The following CLINT1 variants were observed in gnomAD, a reference collection of about 807,000 sequenced individuals.
The protein encoded by CLINT1 is clathrin interacting protein localized in the trans-Golgi region.
A neutral mutation model predicts 70.4 loss-of-function variants in CLINT1; 15 were observed. The ratio of observed to expected loss-of-function variants is 0.21; its 90% confidence interval spans 0.14 to 0.33. The LOEUF (loss-of-function observed/expected upper bound fraction) is 0.33, where lower values mean the gene tolerates loss of function less well. CLINT1 is among the 10% of genes least tolerant of loss of function. The pLI is 1.00. For missense variants in CLINT1, 615 were observed against 778.1 expected, an observed-to-expected ratio of 0.79 and a Z score of 2.49; for synonymous variants, 227 against 254.7, an observed-to-expected ratio of 0.89 and a Z score of 1.04.
intron 1 of CLINT1, among the ~76,000 whole-genome samples, chr5:157,853,952 ATCTT>A (rs1753665488): frequency 6.6e-6 from 1 of 152,164 alleles, no homozygotes; most frequent in Non-Finnish European, 1.5e-5. Context: ...AACCAAACTC[ATCTT>A]TCTTTGGAAT....
chr5:157,852,819 A>C (rs901049485), intron 1 of CLINT1, among the ~76,000 whole-genome samples: 2 of 152,234 alleles, frequency 1.3e-5, no homozygotes, highest in Admixed American at 6.5e-5. Flanking sequence ...GCAAATTATT[A>C]TAAAAATACA....
At position 157,821,009 on chromosome 5, in the gene CLINT1, A is replaced by G. The variant is rs1402874124; in HGVS notation, c.42-3462T>C. On this transcript the variant is annotated intron_variant, in intron 1 of 11. Transcript: ENST00000411809. The stretch of plus-strand genomic sequence containing the variant: ...ACAAGTGACTTACGGACTTTCACCA[A>G]TCCTAAATTGAGATTCCTAACTTGA... Among the ~76,000 whole-genome samples the G allele has an allele frequency of 3.3e-5, 5 of 152,194 alleles. No homozygotes were observed. The East Asian group carries it at 9.6e-4, about 29-fold the overall frequency.
At position 157,830,784 on chromosome 5, in the gene CLINT1, C is replaced by CTG. The variant is rs1763208420; in HGVS notation, c.42-13238_42-13237insCA. ...TCTCTCTCTCTCTCTCTCTCTCTCT[C>CTG]TCTCTCTCTCTCTATATATATATAT... On this transcript the variant is annotated intron_variant, in intron 1 of 11. Transcript: ENST00000411809. Among the ~76,000 whole-genome samples the CTG allele has an allele frequency of 4.5e-5, 6 of 133,634 alleles. No homozygotes were observed. The South Asian group carries it at 1.6e-3, about 35-fold the overall frequency. The allele number at this position is 133,634 out of a possible 152,430, so 87.7% of individuals were successfully genotyped here. A position where few individuals can be genotyped will look rare whatever the true frequency, so the allele number is the denominator to read the frequency against.
chr5:157,852,659 A>G (rs1441153942), intron 1 of CLINT1, among the ~76,000 whole-genome samples: 1 of 152,252 alleles, frequency 6.6e-6, no homozygotes, highest in Admixed American at 6.5e-5. Flanking sequence ...ACAGAGAAAT[A>G]AAGATACCAT....
chr5:157,840,250 TA>T (rs201168876), intron 1 of CLINT1, among the ~76,000 whole-genome samples: 37 of 129,928 alleles, frequency 2.8e-4, no homozygotes, highest in African/African-American at 7.2e-4. Flanking sequence ...ATAGTCTATT[TA>T]AAAAAAAAAA....
At chr5:157,817,670 GA>G (rs759678127) in intron 1 of CLINT1, 123 bp from the exon 2 acceptor site, 4 of 604,880 alleles carry the variant, frequency 6.6e-6, no homozygotes, top group Non-Finnish European at 1.2e-5. Context: ...GGATGGGAGA[GA>G]AAACATCTTT....
At chr5:157,806,514 T>C (rs1350133777) in intron 6 of CLINT1, among the ~76,000 whole-genome samples, 4 of 152,168 alleles carry the variant, frequency 2.6e-5, no homozygotes, top group Non-Finnish European at 2.9e-5. Context: ...TGACATGGAC[T>C]GTGTGCAAAT....
At chr5:157,792,041 C>T in intron 9 of CLINT1, 46 bp from the exon 10 acceptor site, 1 of 1,524,606 alleles carries the variant, frequency 6.6e-7, no homozygotes, top group Non-Finnish European at 8.9e-7. Flanking sequence ...ATGGAATGCA[C>T]AGAACAAATG....
rs760291166 is a variant in CLINT1, at chr5:157,813,159, C to T, written c.421G>A (p.Asp141Asn). ...CGCTCTTCACGAAGCCTGTCGTCATCCTGGGCAAATTCAACCAATTCCTTC... is the reference window on the plus strand; with the variant it reads ...CGCTCTTCACGAAGCCTGTCGTCATTCTGGGCAAATTCAACCAATTCCTTC... ...KVKELVEFAQ[D>N]DDRLREERKK... The change falls in exon 5 of 12, where the codon GAT (aspartate) becomes AAT (asparagine). Residue 141 changes from aspartate (D) to asparagine (N), a missense_variant. Coordinates refer to ENST00000411809, the MANE Select transcript of CLINT1 (RefSeq NM_014666.4). 4 of 1,613,812 alleles carry T rather than the reference C, an allele frequency of 2.5e-6. No individual in the cohort carries two copies. Among genetic ancestry groups the T allele is most frequent in the Non-Finnish European group, 3.4e-6 (4 of 1,179,842 alleles).
intron 1 of CLINT1, among the ~76,000 whole-genome samples, chr5:157,843,301 T>C (rs1236746811): frequency 6.6e-6 from 1 of 151,996 alleles, no homozygotes; most frequent in Non-Finnish European, 1.5e-5. Flanking sequence ...AAAACAAAAG[T>C]AAAGAACAAT....
At chr5:157,794,574 A>G (rs1394871586) in intron 9 of CLINT1, among the ~76,000 whole-genome samples, 1 of 152,228 alleles carries the variant, frequency 6.6e-6, no homozygotes, top group Non-Finnish European at 1.5e-5. Flanking sequence ...AACACAAACT[A>G]TAATATTCTT....
rs541430149 is a variant in CLINT1, at chr5:157,792,622, T to A, written c.1088-627A>T. On this transcript the variant is annotated intron_variant, in intron 9 of 11. Transcript: ENST00000411809. ...TACAAGGGCTATAACCTTAGCACAT[T>A]GCCTGCTTCAACTGGGACCATTTAT... Among the ~76,000 whole-genome samples the A allele has an allele frequency of 2.0e-5, 3 of 152,328 alleles. No homozygotes were observed. In the East Asian group the frequency reaches 5.8e-4, roughly 29 times the overall value.
In CLINT1 at chr5:157,806,055, T is replaced by C; in HGVS notation, c.753A>G (p.Lys251=). The C allele has an allele frequency of 1.2e-6, 2 of 1,613,986 alleles. No individual in the cohort carries two copies. The highest frequency in any genetic ancestry group is 1.7e-6 in the Non-Finnish European group (2 of 1,179,874). Residue 251 remains lysine (K), a synonymous_variant, in exon 7 of 12, where the codon AAA becomes AAG. Transcript: ENST00000411809. ...TTGTCGTCACAGTCTCCTCTTCATC[T>C]TTGAATTCACCTTTGGGAGATCTGC... ...RRGRSPKGEF[K]DEEETVTTKH... is the part of the protein sequence containing the mutation.
intron 1 of CLINT1, among the ~76,000 whole-genome samples, chr5:157,827,901 A>C (rs1411802640): frequency 6.6e-6 from 1 of 152,238 alleles, no homozygotes; most frequent in Non-Finnish European, 1.5e-5. Flanking sequence ...AATGCAAAGT[A>C]ATATTGTATA....
At chr5:157,812,867 T>G (rs1002340211) in intron 5 of CLINT1, among the ~76,000 whole-genome samples, 196 bp downstream of exon 5, 1 of 152,206 alleles carries the variant, frequency 6.6e-6, no homozygotes, top group East Asian at 1.9e-4. Context: ...TAAAATCCTA[T>G]TGCCGAACCC....
intron 1 of CLINT1, among the ~76,000 whole-genome samples, chr5:157,831,899 C>T (rs774187632): frequency 2.2e-4 from 34 of 152,060 alleles, no homozygotes; most frequent in Non-Finnish European, 4.6e-4. Context: ...ACCACGTTGG[C>T]CGGGATGGTC....
chr5:157,817,866 C>T (rs896079990), intron 1 of CLINT1, among the ~76,000 whole-genome samples: 6 of 152,076 alleles, frequency 3.9e-5, no homozygotes, highest in African/African-American at 1.4e-4. Flanking sequence ...ATGCTGGAGT[C>T]TATTATAAAA....
intron 8 of CLINT1, among the ~76,000 whole-genome samples, chr5:157,798,913 AAAG>A (rs1762138371): frequency 6.6e-6 from 1 of 152,104 alleles, no homozygotes; most frequent in East Asian, 1.9e-4. Flanking sequence ...AAGTACTATA[AAAG>A]AATACCAACT....
Position 157,786,129 on chromosome 5 carries a change from C to T in CLINT1, c.*1517G>A, listed in dbSNP as rs1434360935. 6.6e-6 allele frequency: 1 copy of T among 152,088 alleles called. No homozygotes were observed. The highest frequency in any genetic ancestry group is 1.5e-5 in the Non-Finnish European group (1 of 67,992). The allele number at this position is 152,088 out of a possible 1,614,324, so 9.4% of individuals were successfully genotyped here. A position where few individuals can be genotyped will look rare whatever the true frequency, so the allele number is the denominator to read the frequency against. ...GCAGGTCAGGATATCTTTGCTGCTT[C>T]ATTTTTAATTCCTAACAGTAGAGTC... On this transcript the variant is annotated 3_prime_UTR_variant, in exon 12 of 12. Coordinates refer to ENST00000411809, the MANE Select transcript of CLINT1 (RefSeq NM_014666.4).
Sources: allele counts gnomAD v4.1 joint callset (sites outside exome capture counted in the v4.1 genomes callset), GRCh38; gene constraint gnomAD v4.1.1; transcripts MANE v1.5; gene names NCBI Gene and HGNC (gene_info 2026-07-23, HGNC 2026-07-21).